PYROXD2: variants seen among roughly 807,000 people sequenced by gnomAD.
The protein encoded by PYROXD2 is pyridine nucleotide-disulfide oxidoreductase domain-containing protein 2.
Under a neutral mutation model 71.1 loss-of-function variants are expected in PYROXD2, and 69 were observed. That is an observed-to-expected ratio of 0.97 (90% CI 0.80 to 1.19). The LOEUF is 1.19. Among genes scored for constraint, PYROXD2 ranks in the 50% most tolerant of loss-of-function variants. PYROXD2 has a pLI of 0.00. For missense variants in PYROXD2, 745 were observed against 748.9 expected, an observed-to-expected ratio of 0.99 and a Z score of 0.06; for synonymous variants, 287 against 302.7, an observed-to-expected ratio of 0.95 and a Z score of 0.54.
chr10:98,410,193 T>C (rs7085650), intron 2 of PYROXD2, among the ~76,000 whole-genome samples: 7,224 of 152,302 alleles, frequency 0.047, 558 homozygotes, highest in African/African-American at 0.16. Flanking sequence ...GGCAAAGTAT[T>C]AAGGTTTAAC....
At chr10:98,401,514 CT>C (rs1468258205) in intron 4 of PYROXD2, among the ~76,000 whole-genome samples, 1 of 152,072 alleles carries the variant, frequency 6.6e-6, no homozygotes, top group Non-Finnish European at 1.5e-5. Context: ...TTACTGCAAA[CT>C]TTTAAACTTT....
chr10:98,392,979 G>A lies in PYROXD2; in HGVS notation c.890C>T (p.Ser297Leu), dbSNP rs1842998075. The stretch of plus-strand genomic sequence containing the variant: ...GATGCTTGCTCCATGTGTGGTGGCT[G>A]AGCTTGCGATCGCATCAGAGAGGGC... ...MGALSDAIAS[S>L]ATTHGASIFT... Residue 297 changes from serine to leucine, a missense_variant, in exon 9 of 16, where the codon TCA becomes TTA. Ser to Leu is a moderately radical substitution (Grantham distance 145). Transcript: ENST00000370575. 1 of 1,613,774 alleles carries A rather than the reference G, an allele frequency of 6.2e-7. No homozygotes were observed. Among genetic ancestry groups the A allele is most frequent in the Non-Finnish European group, 8.5e-7 (1 of 1,179,868 alleles).
intron 12 of PYROXD2, 122 bp from the exon 13 acceptor site, chr10:98,388,630 C>G (rs2135927990): frequency 8.9e-7 from 1 of 1,122,938 alleles, no homozygotes; most frequent in Non-Finnish European, 1.2e-6. Flanking sequence ...GATTGTCGCT[C>G]TACAGCCACA....
chr10:98,407,774 G>C lies in PYROXD2; in HGVS notation c.242-119C>G, dbSNP rs974569903. The C allele has an allele frequency of 5.3e-5, 58 of 1,085,074 alleles. 13 individuals are homozygous for C. The highest frequency in any genetic ancestry group is 6.9e-5 in the Non-Finnish European group (55 of 795,814). 67.2% of individuals were successfully genotyped at this position (1,085,074 alleles called of 1,614,324 possible). A position where few individuals can be genotyped will look rare whatever the true frequency, so the allele number is the denominator to read the frequency against. ...TCAGCAGGGATGGAGACCGTCACCC[G>C]GGGTCAGCAGGGATGGAGACCGTCA... On this transcript the variant is annotated intron_variant, in intron 3 of 15. Coordinates refer to ENST00000370575, the MANE Select transcript of PYROXD2 (RefSeq NM_032709.3).
intron 4 of PYROXD2, among the ~76,000 whole-genome samples, chr10:98,404,798 G>C (rs891463537): frequency 2.0e-5 from 3 of 152,128 alleles, no homozygotes; most frequent in African/African-American, 7.2e-5. Context: ...CCATAAAAAC[G>C]ACCGTTTCTG....
chr10:98,408,536 T>G (rs900786876), intron 2 of PYROXD2, among the ~76,000 whole-genome samples: 4 of 151,414 alleles, frequency 2.6e-5, no homozygotes, highest in Admixed American at 6.6e-5. Context: ...TTCATAAGGC[T>G]GCTGTGAAGA....
chr10:98,391,182 G>T, intron 10 of PYROXD2, 100 bp from the exon 11 acceptor site: 1 of 805,808 alleles, frequency 1.2e-6, no homozygotes, highest in Non-Finnish European at 2.1e-6. Context: ...GCTCCCTCCG[G>T]AAATCCTCTT....
intron 4 of PYROXD2, among the ~76,000 whole-genome samples, chr10:98,406,703 C>G (rs1365845284): frequency 2.0e-5 from 3 of 151,964 alleles, no homozygotes; most frequent in Non-Finnish European, 4.4e-5. Context: ...ACCATCCCGG[C>G]TAACACGGTG....
intron 2 of PYROXD2, among the ~76,000 whole-genome samples, chr10:98,409,537 T>A (rs1047131319): frequency 5.3e-5 from 8 of 152,208 alleles, no homozygotes; most frequent in African/African-American, 1.4e-4. Context: ...ACAAGTGTGT[T>A]CCTGGTGGGC....
intron 14 of PYROXD2, among the ~76,000 whole-genome samples, chr10:98,385,518 G>A (rs78913788): frequency 0.028 from 4,282 of 152,342 alleles, 142 homozygotes; most frequent in East Asian, 0.11. Flanking sequence ...GCCCGAGCAC[G>A]GTTCTGCCCC....
intron 12 of PYROXD2, among the ~76,000 whole-genome samples, chr10:98,389,127 G>T (rs1434450250): frequency 2.0e-5 from 3 of 152,080 alleles, no homozygotes; most frequent in South Asian, 2.1e-4. Flanking sequence ...GTCCACCAGG[G>T]ATCTCAAACA....
chr10:98,409,431 T>C (rs1245161310), intron 2 of PYROXD2, among the ~76,000 whole-genome samples: 4 of 152,216 alleles, frequency 2.6e-5, no homozygotes, highest in Non-Finnish European at 4.4e-5. Flanking sequence ...AATCCTGTGC[T>C]AGGTTCTTTC....
chr10:98,392,361 C>T (rs763563585), intron 10 of PYROXD2, 71 bp downstream of exon 10: 4 of 1,573,004 alleles, frequency 2.5e-6, no homozygotes, highest in South Asian at 1.2e-5. Context: ...TCCTGGCTCC[C>T]TCAATCCCCA....
intron 8 of PYROXD2, among the ~76,000 whole-genome samples, chr10:98,394,263 C>T (rs1483561158): frequency 6.6e-6 from 1 of 152,154 alleles, no homozygotes; most frequent in Non-Finnish European, 1.5e-5. Context: ...GGTTAAGCCT[C>T]CCAGGGATCC....
At chr10:98,408,029 C>T (rs372468874) in intron 2 of PYROXD2, 32 bp from the exon 3 acceptor site, 80 of 1,567,368 alleles carry the variant, frequency 5.1e-5, no homozygotes, top group Non-Finnish European at 6.8e-5. Context: ...AGGGCCCTCC[C>T]TTTATCCCTC....
intron 1 of PYROXD2, chr10:98,411,361 C>T (rs1042583509): frequency 3.6e-5 from 8 of 220,790 alleles, no homozygotes; most frequent in Admixed American, 2.8e-4. Context: ...GCCAACGTCC[C>T]GTCTCGCATG....
At chr10:98,386,320 AG>A (rs1261137901) in intron 14 of PYROXD2, among the ~76,000 whole-genome samples, 1 of 118,112 alleles carries the variant, frequency 8.5e-6, no homozygotes, top group East Asian at 2.4e-4. Context: ...GAAACAAGGA[AG>A]GGAGGGAGGA....
Position 98,415,007 on chromosome 10 carries a change from A to G in PYROXD2, c.127+2T>C. 1 of 1,610,746 alleles carries G rather than the reference A, an allele frequency of 6.2e-7. No homozygotes were observed. Among genetic ancestry groups the G allele is most frequent in the Non-Finnish European group, 8.5e-7 (1 of 1,178,766 alleles). ...CTGGCCCGGCCTGCTTTACCACTTT[A>G]CCTGCTCCTATCACCACCGCATCAT... On this transcript the variant is annotated splice_donor_variant, in intron 1 of 15. Transcript: ENST00000370575. LOFTEE classifies it high-confidence loss of function.
At chr10:98,399,913 C>A (rs1843331918) in intron 5 of PYROXD2, among the ~76,000 whole-genome samples, 189 bp downstream of exon 5, 1 of 152,236 alleles carries the variant, frequency 6.6e-6, no homozygotes, top group Non-Finnish European at 1.5e-5. Flanking sequence ...TCTTAATCAG[C>A]ATCCTCCACC....
Sources: allele counts gnomAD v4.1 joint callset (sites outside exome capture counted in the v4.1 genomes callset), GRCh38; gene constraint gnomAD v4.1.1; transcripts MANE v1.5; gene names NCBI Gene and HGNC (gene_info 2026-07-23, HGNC 2026-07-21).